Variants in GALNT10 observed in about 807,000 individuals in gnomAD.
GALNT10 encodes polypeptide N-acetylgalactosaminyltransferase 10.
Under a neutral mutation model 75.0 loss-of-function variants are expected in GALNT10, and 41 were observed. The observed-to-expected ratio is 0.55, with a 90% CI of 0.43 to 0.71. The LOEUF (loss-of-function observed/expected upper bound fraction) is 0.71. Among genes scored for constraint, GALNT10 ranks in the 30% least tolerant of loss-of-function variants. The pLI is 0.00. For missense variants in GALNT10, 727 were observed against 818.5 expected (o/e 0.89, Z 1.36); for synonymous variants, 302 against 313.0 (o/e 0.96, Z 0.37).
At position 154,301,047 on chromosome 5, in the gene GALNT10, C is replaced by G. The variant is rs1199226038; in HGVS notation, c.401+2968C>G. On this transcript the variant is annotated intron_variant, in intron 3 of 11. Transcript: ENST00000297107. The stretch of plus-strand genomic sequence containing the variant: ...CAGGATGAGGACCTAGCCCCTTTGT[C>G]TCCCATTGTAGTGCTCTTTCCTGAC... Among the ~76,000 whole-genome samples, 3 of 152,164 alleles carry G rather than the reference C, an allele frequency of 2.0e-5. No individual in the cohort carries two copies. In the East Asian group the frequency reaches 5.8e-4, roughly 29 times the overall value.
intron 1 of GALNT10, among the ~76,000 whole-genome samples, chr5:154,201,975 C>A (rs1391930348): frequency 6.6e-6 from 1 of 152,098 alleles, no homozygotes; most frequent in Non-Finnish European, 1.5e-5. Flanking sequence ...ACAGAATCCA[C>A]CTTGTTTTCT....
intron 7 of GALNT10, among the ~76,000 whole-genome samples, chr5:154,397,514 A>C (rs1756044517): frequency 6.6e-6 from 1 of 152,158 alleles, no homozygotes; most frequent in Non-Finnish European, 1.5e-5. Flanking sequence ...GCAGAGGAGG[A>C]AACTGAGGCT....
chr5:154,346,618 T>C (rs940120267), intron 4 of GALNT10, among the ~76,000 whole-genome samples: 4 of 152,246 alleles, frequency 2.6e-5, no homozygotes, highest in African/African-American at 9.6e-5. Flanking sequence ...CTAACTTAAT[T>C]ACAGGAGCCG....
intron 4 of GALNT10, among the ~76,000 whole-genome samples, chr5:154,355,911 G>T (rs2113149479): frequency 6.6e-6 from 1 of 151,992 alleles, no homozygotes; most frequent in East Asian, 1.9e-4. Context: ...TGGAAGCTAG[G>T]TCTACACCAA....
intron 1 of GALNT10, among the ~76,000 whole-genome samples, chr5:154,255,604 A>G (rs1561642288): frequency 1.3e-5 from 2 of 152,224 alleles, no homozygotes; most frequent in East Asian, 3.9e-4. Context: ...AGAGGGGCAT[A>G]TTGATTTGTA....
Position 154,290,161 on chromosome 5 carries a change from G to A in GALNT10, c.160-4655G>A, listed in dbSNP as rs530227665. On this transcript the variant is annotated intron_variant, in intron 1 of 11. Coordinates refer to ENST00000297107, the MANE Select transcript of GALNT10 (RefSeq NM_198321.4). ...GGCTGGAGTGCAGTTGCACAATCGC[G>A]GCTCACCACAACCTCTGCTTCCTGA... Among the ~76,000 whole-genome samples, 4 of 149,844 alleles carry A rather than the reference G, an allele frequency of 2.7e-5. No homozygotes were observed. In the South Asian group the frequency reaches 6.3e-4, roughly 24 times the overall value.
intron 1 of GALNT10, among the ~76,000 whole-genome samples, chr5:154,272,692 A>T (rs908182323): frequency 2.0e-5 from 3 of 152,202 alleles, no homozygotes; most frequent in Non-Finnish European, 2.9e-5. Flanking sequence ...ATAAAATAGG[A>T]ACGATAATAA....
At chr5:154,202,224 G>C (rs1043477618) in intron 1 of GALNT10, among the ~76,000 whole-genome samples, 1 of 152,214 alleles carries the variant, frequency 6.6e-6, no homozygotes, top group Non-Finnish European at 1.5e-5. Flanking sequence ...ATGTCTCTGA[G>C]AGTAGGGTTC....
intron 3 of GALNT10, among the ~76,000 whole-genome samples, chr5:154,321,310 C>CGTT (rs1554098546): frequency 2.0e-5 from 3 of 148,826 alleles, no homozygotes; most frequent in African/African-American, 7.4e-5. Flanking sequence ...CTCCTCAAAA[C>CGTT]TTTTTTTTTT....
chr5:154,233,532 A>G (rs892029110), intron 1 of GALNT10, among the ~76,000 whole-genome samples: 2 of 152,168 alleles, frequency 1.3e-5, no homozygotes, highest in African/African-American at 4.8e-5. Context: ...AAAGAGACCA[A>G]GGTGAGGCAC....
chr5:154,210,385 T>TACAC (rs35928766), intron 1 of GALNT10, among the ~76,000 whole-genome samples: 3,504 of 148,932 alleles, frequency 0.024, 67 homozygotes, highest in African/African-American at 0.049. Flanking sequence ...CACACATGCA[T>TACAC]ACACACACAC....
chr5:154,411,781 C>A (rs1466073776), intron 9 of GALNT10, among the ~76,000 whole-genome samples: 1 of 152,146 alleles, frequency 6.6e-6, no homozygotes, highest in Admixed American at 6.5e-5. Flanking sequence ...AAGCAGATGC[C>A]ACAGTGGGAT....
rs920634062 is a variant in GALNT10, at chr5:154,416,232, GA to G, written c.1653+301del. ...AGGTGGGTGGATCACCTGAGGTCAG[GA>G]GTTCGAGACTAGCCTGGCCAACATG... On this transcript the variant is annotated intron_variant, in intron 11 of 11. Coordinates refer to ENST00000297107, the MANE Select transcript of GALNT10 (RefSeq NM_198321.4). The surrounding 1 kb of genome is among the most constrained non-coding windows in gnomAD (Gnocchi z 4.5). 6.6e-6 allele frequency among the ~76,000 whole-genome samples: 1 copy of G among 152,038 alleles called. No homozygotes were observed. The highest frequency in any genetic ancestry group is 2.4e-5 in the African/African-American group (1 of 41,356).
rs115709796 is a variant in GALNT10 at position 154,418,802 on chromosome 5, C to G, written c.*1830C>G. 1,027 of 152,306 alleles carry G rather than the reference C, an allele frequency of 6.7e-3. 5 individuals carry two copies. The highest frequency in any genetic ancestry group is 9.9e-3 in the Non-Finnish European group (674 of 68,024). 9.4% of individuals were successfully genotyped at this position (152,306 alleles called of 1,614,324 possible). On this transcript the variant is annotated 3_prime_UTR_variant, in exon 12 of 12. Transcript: ENST00000297107. Reference sequence around the variant, plus strand: ...GCGGCCCCTGTGCTTGCAACGCTTACGTGTTGATCCCAGTGTCCTTTTCCA... The same window carrying G: ...GCGGCCCCTGTGCTTGCAACGCTTAGGTGTTGATCCCAGTGTCCTTTTCCA...
intron 1 of GALNT10, among the ~76,000 whole-genome samples, chr5:154,222,235 GTTT>G (rs34297252): frequency 1.4e-5 from 2 of 143,496 alleles, no homozygotes; most frequent in Non-Finnish European, 1.5e-5. Flanking sequence ...CTTTTTGCCT[GTTT>G]TTTTTTTTTT....
At chr5:154,201,729 G>C (rs1483049288) in intron 1 of GALNT10, among the ~76,000 whole-genome samples, 1 of 152,068 alleles carries the variant, frequency 6.6e-6, no homozygotes, top group African/African-American at 2.4e-5. Context: ...AGGAGTTTGA[G>C]ACCAGCCTGG....
intron 3 of GALNT10, among the ~76,000 whole-genome samples, chr5:154,324,083 C>T (rs1156253734): frequency 1.3e-5 from 2 of 152,214 alleles, no homozygotes. Flanking sequence ...GGTTCAGAGC[C>T]TACTGTTTCT....
intron 4 of GALNT10, among the ~76,000 whole-genome samples, chr5:154,353,071 C>G (rs1158017438): frequency 6.6e-6 from 1 of 152,140 alleles, no homozygotes; most frequent in Non-Finnish European, 1.5e-5. Context: ...GATGAGGCCT[C>G]GGAGGGCTGG....
chr5:154,313,234 T>G (rs940205076), intron 3 of GALNT10, among the ~76,000 whole-genome samples: 4 of 151,098 alleles, frequency 2.6e-5, no homozygotes, highest in African/African-American at 9.8e-5. Flanking sequence ...TGCTTCAACC[T>G]GGGAGGCAGA....
Sources: allele counts gnomAD v4.1 joint callset (sites outside exome capture counted in the v4.1 genomes callset), GRCh38; gene constraint gnomAD v4.1.1; non-coding constraint Gnocchi (gnomAD v3.1); transcripts MANE v1.5; gene names NCBI Gene and HGNC (gene_info 2026-07-23, HGNC 2026-07-21).